KANSL3: variants seen among roughly 807,000 people sequenced by gnomAD.
KANSL3 encodes the protein NSL complex protein NSL3.
Under a neutral mutation model 89.2 loss-of-function variants are expected in KANSL3, and 16 were observed. That is an observed-to-expected ratio of 0.18 (90% CI 0.12 to 0.27). KANSL3 has a LOEUF of 0.27. KANSL3 is among the 10% of genes least tolerant of loss of function. The pLI, the probability that KANSL3 is intolerant of heterozygous loss-of-function variation, is 1.00. For missense variants in KANSL3, 879 were observed against 1,110.6 expected, an observed-to-expected ratio of 0.79 and a Z score of 2.96; for synonymous variants, 385 against 419.7, an observed-to-expected ratio of 0.92 and a Z score of 1.01.
chr2:96,582,446 G>A, the KANSL3 span, among the ~76,000 whole-genome samples: 1 of 151,154 alleles, frequency 6.6e-6, no homozygotes, highest in East Asian at 1.9e-4. Context: ...CTTCCAATCT[G>A]CTATTAAGCC....
At chr2:96,588,823 AC>A (rs1163480441), downstream of KANSL3, among the ~76,000 whole-genome samples, 2 of 152,160 alleles carry the variant, frequency 1.3e-5, no homozygotes, top group Non-Finnish European at 2.9e-5. Context: ...TGAACTCCTG[AC>A]CTCAAGTGAT....
At chr2:96,601,328 T>G in intron 20 of KANSL3, 1 of 985,142 alleles carries the variant, frequency 1.0e-6, no homozygotes, top group Non-Finnish European at 1.2e-6. Context: ...TCATAACCTC[T>G]GAAGGATGAA....
chr2:96,617,730 G>A (rs2070440506), intron 5 of KANSL3, among the ~76,000 whole-genome samples: 1 of 151,972 alleles, frequency 6.6e-6, no homozygotes, highest in South Asian at 2.1e-4. Flanking sequence ...GGGCACGGCA[G>A]CTCACGCCTG....
chr2:96,637,349 CAA>C, intron 1 of KANSL3, 164 bp from the exon 2 acceptor site: 1 of 450,522 alleles, frequency 2.2e-6, no homozygotes, highest in Non-Finnish European at 3.9e-6. Flanking sequence ...ACACCAACAC[CAA>C]AAAAAAAGAA....
chr2:96,625,784 G>A (rs561501281), intron 3 of KANSL3, among the ~76,000 whole-genome samples: 7 of 152,256 alleles, frequency 4.6e-5, no homozygotes, highest in East Asian at 1.9e-4. Flanking sequence ...TGTCAGCTTC[G>A]TGGGAGGCTA....
At chr2:96,629,472 G>A (rs1363430128) in intron 3 of KANSL3, among the ~76,000 whole-genome samples, 4 of 152,140 alleles carry the variant, frequency 2.6e-5, no homozygotes, top group African/African-American at 4.8e-5. Flanking sequence ...ACAGGCATGC[G>A]CCACCACACC....
downstream of KANSL3, among the ~76,000 whole-genome samples, chr2:96,589,422 G>A (rs923047565): frequency 6.6e-6 from 1 of 152,100 alleles, no homozygotes; most frequent in Non-Finnish European, 1.5e-5. Context: ...AAATAAAGTA[G>A]ACTTCATGGC....
chr2:96,582,722 G>A, the KANSL3 span, among the ~76,000 whole-genome samples: 1 of 152,204 alleles, frequency 6.6e-6, no homozygotes, highest in Non-Finnish European at 1.5e-5. Context: ...TGAATAATTT[G>A]GGATCATATT....
At chr2:96,622,714 G>T (rs1015011354) in intron 3 of KANSL3, among the ~76,000 whole-genome samples, 1 of 152,166 alleles carries the variant, frequency 6.6e-6, no homozygotes, top group Non-Finnish European at 1.5e-5. Context: ...ATGTCTTTCA[G>T]ATCTTATCAT....
chr2:96,606,962 A>T (rs1163139695), intron 14 of KANSL3: 1 of 1,282,886 alleles, frequency 7.8e-7, no homozygotes, highest in East Asian at 5.6e-5. Flanking sequence ...AGAAAGAGTA[A>T]TACTCACCAA....
intron 1 of KANSL3, chr2:96,638,027 C>G (rs1159608008): frequency 1.3e-5 from 2 of 152,380 alleles, no homozygotes; most frequent in African/African-American, 4.8e-5. Flanking sequence ...CGAGGAGGAG[C>G]CGCCTGGCCC....
intron 2 of KANSL3, among the ~76,000 whole-genome samples, chr2:96,635,668 TAA>T (rs2074131905): frequency 2.0e-5 from 3 of 152,126 alleles, no homozygotes; most frequent in Admixed American, 2.0e-4. Context: ...GGAAATGAAA[TAA>T]AAGACACTAT....
chr2:96,593,193 G>A lies in KANSL3; in HGVS notation c.*2418C>T. ...AATGTTGTTTTTGGTGTTTTTAATT[G>A]TTTTTGTTAATGTAAAAACAGAACC... On this transcript the variant is annotated 3_prime_UTR_variant, in exon 21 of 21. Transcript: ENST00000431828. 2.2e-6 allele frequency: 1 copy of A among 448,356 alleles called. No homozygotes were observed. The highest frequency in any genetic ancestry group is 1.6e-5 in the South Asian group (1 of 63,614). The allele number at this position is 448,356 out of a possible 1,614,324, so 27.8% of individuals were successfully genotyped here.
At chr2:96,588,276 C>T (rs994259530), downstream of KANSL3, among the ~76,000 whole-genome samples, 15 of 151,824 alleles carry the variant, frequency 9.9e-5, no homozygotes, top group Admixed American at 6.6e-5. Context: ...TATCTACAAA[C>T]GGGAAACAAT....
At chr2:96,597,034 A>T (rs2066605249) in intron 20 of KANSL3, among the ~76,000 whole-genome samples, 1 of 152,234 alleles carries the variant, frequency 6.6e-6, no homozygotes, top group Non-Finnish European at 1.5e-5. Context: ...GAAACAAAAC[A>T]GATAATTAAG....
rs117729999 is a variant in KANSL3, at chr2:96,601,247, G to T, written c.2616+396C>A. 1.4e-5 allele frequency: 13 copies of T among 909,626 alleles called. No homozygotes were observed. The East Asian group carries it at 1.6e-3, about 109-fold the overall frequency. 56.3% of individuals were successfully genotyped at this position (909,626 alleles called of 1,614,324 possible). On this transcript the variant is annotated intron_variant, in intron 20 of 20. Transcript: ENST00000431828. ...CACACCCCTGCACTCCAGCTTGGGC[G>T]ATAGAGCAAGACTCCATCTCAAAAA...
At chr2:96,604,176 T>C (rs887571984) in intron 17 of KANSL3, 74 bp downstream of exon 17, 1 of 1,493,356 alleles carries the variant, frequency 6.7e-7, no homozygotes, top group Admixed American at 2.3e-5. Context: ...CCAGGGATGC[T>C]TTCCCAGGAC....
chr2:96,600,542 A>C, intron 20 of KANSL3: 2 of 985,458 alleles, frequency 2.0e-6, no homozygotes, highest in Non-Finnish European at 2.4e-6. Context: ...AGAATGGCTC[A>C]GGAACTATCA....
At chr2:96,633,501 G>A (rs962956679) in intron 2 of KANSL3, among the ~76,000 whole-genome samples, 2 of 151,306 alleles carry the variant, frequency 1.3e-5, no homozygotes, top group African/African-American at 2.4e-5. Flanking sequence ...CCCGGGAGAC[G>A]GAGGTTGCAG....
Sources: gnomAD v4.1 joint callset for allele counts (sites outside exome capture counted in the v4.1 genomes callset) on GRCh38, gnomAD v4.1.1 for gene constraint, MANE v1.5 for transcripts, NCBI Gene and HGNC (gene_info 2026-07-23, HGNC 2026-07-21) for gene names.